Variants in ARHGEF17 observed in about 807,000 individuals in gnomAD.
ARHGEF17 encodes the protein 164 kDa Rho-specific guanine-nucleotide exchange factor.
ARHGEF17 carries 80 observed loss-of-function variants against 174.0 expected under a neutral mutation model. The ratio of observed to expected loss-of-function variants is 0.46; its 90% CI spans 0.38 to 0.55. The LOEUF is 0.55. Ranked by LOEUF, ARHGEF17 falls within the 20% of genes least tolerant of loss-of-function variation. The pLI is 0.00. For synonymous variants in ARHGEF17, 1,311 were observed against 1,189.1 expected (o/e 1.10, Z -2.11); for missense variants, 2,886 against 2,839.7 (o/e 1.02, Z -0.37).
In ARHGEF17 at chr11:73,309,126, G is replaced by T; in HGVS notation, c.488G>T (p.Arg163Leu). 1.3e-6 allele frequency: 2 copies of T among 1,571,050 alleles called. No homozygotes were observed. The highest frequency in any genetic ancestry group is 2.5e-5 in the East Asian group (1 of 40,734). Residue 163 changes from arginine (R) to leucine (L), a missense_variant, in exon 1 of 21, where the codon CGG becomes CTG. Arg to Leu is a moderately radical substitution (Grantham distance 102). Coordinates refer to ENST00000263674, the MANE Select transcript of ARHGEF17 (RefSeq NM_014786.4). The stretch of plus-strand genomic sequence containing the variant: ...GGTGCCGCGTGGGAGCCTCCGGCTC[G>T]GGAGTCGCGGCAGCCACCGACGCCA... ...PDGAAWEPPA[R>L]ESRQPPTPPP...
chr11:73,321,921 T>C (rs780014348), intron 1 of ARHGEF17, among the ~76,000 whole-genome samples: 1 of 152,186 alleles, frequency 6.6e-6, no homozygotes, highest in Non-Finnish European at 1.5e-5. Context: ...GTTTCCTGTT[T>C]ATTGGTTCCC....
At chr11:73,356,137 A>G in intron 5 of ARHGEF17, 38 bp from the exon 6 acceptor site, 2 of 1,609,200 alleles carry the variant, frequency 1.2e-6, no homozygotes, top group Non-Finnish European at 1.7e-6. Context: ...CCCCAGGGGT[A>G]GCTAAGCAGT....
chr11:73,337,913 C>T (rs571158958), intron 1 of ARHGEF17, among the ~76,000 whole-genome samples: 4 of 152,274 alleles, frequency 2.6e-5, no homozygotes, highest in East Asian at 3.9e-4. Flanking sequence ...GGTGCATACA[C>T]GCACCCACCT....
intron 1 of ARHGEF17, 30 bp from the exon 2 acceptor site, chr11:73,346,853 C>T: frequency 1.4e-6 from 2 of 1,433,642 alleles, no homozygotes; most frequent in South Asian, 1.5e-5. Context: ...GAAAAAGACC[C>T]CTGTTCACCC....
At chr11:73,367,329 A>C (rs1006415874) in intron 20 of ARHGEF17, among the ~76,000 whole-genome samples, 1 of 152,142 alleles carries the variant, frequency 6.6e-6, no homozygotes, top group Non-Finnish European at 1.5e-5. Flanking sequence ...AAAAAGAAAA[A>C]AATCAGAAGT....
At position 73,369,064 on chromosome 11, in the gene ARHGEF17, C is replaced by T. The variant is rs1865888234; in HGVS notation, c.*1284C>T. 6.6e-6 allele frequency: 1 copy of T among 152,482 alleles called. No individual in the cohort carries two copies. Among genetic ancestry groups the T allele is most frequent in the Admixed American group, 6.5e-5 (1 of 15,274 alleles). 9.4% of individuals were successfully genotyped at this position (152,482 alleles called of 1,614,324 possible). A position where few individuals can be genotyped will look rare whatever the true frequency, so the allele number is the denominator to read the frequency against. On this transcript the variant is annotated 3_prime_UTR_variant, in exon 21 of 21. Coordinates refer to ENST00000263674, the MANE Select transcript of ARHGEF17 (RefSeq NM_014786.4). Reference sequence around the variant, plus strand: ...CTTTGGATGATGAAGTTTAAAGAGTCAATAAATAGAAACACCAGATGACTG... The same window carrying T: ...CTTTGGATGATGAAGTTTAAAGAGTTAATAAATAGAAACACCAGATGACTG...
chr11:73,350,763 C>G (rs1865540273), intron 2 of ARHGEF17, among the ~76,000 whole-genome samples: 1 of 152,224 alleles, frequency 6.6e-6, no homozygotes, highest in South Asian at 2.1e-4. Flanking sequence ...CCTGACCACC[C>G]TGACGAGTCC....
Position 73,310,470 on chromosome 11 carries a change from A to T in ARHGEF17, c.1832A>T (p.Asp611Val). 6.2e-7 allele frequency: 1 copy of T among 1,613,972 alleles called. No individual in the cohort carries two copies. The highest frequency in any genetic ancestry group is 8.5e-7 in the Non-Finnish European group (1 of 1,180,028). ...CAGCGCATGGGTGCCCAACAAGATGATGGAAGCGATGCCCCCCCTGGAAGC... is the reference window on the plus strand; with the variant it reads ...CAGCGCATGGGTGCCCAACAAGATGTTGGAAGCGATGCCCCCCCTGGAAGC... Reference protein sequence around the residue: ...KIQRMGAQQDDGSDAPPGSPD... With the variant: ...KIQRMGAQQDVGSDAPPGSPD... The change falls in exon 1 of 21, where the codon GAT becomes GTT. Residue 611 changes from aspartate (D) to valine (V), a missense_variant. Around this residue, in one of 4 missense-constraint regions of ARHGEF17, gnomAD observed 1,728 missense variants for 1,461.2 expected, o/e 1.18. Coordinates refer to ENST00000263674, the MANE Select transcript of ARHGEF17 (RefSeq NM_014786.4).
chr11:73,352,787 G>T, intron 2 of ARHGEF17, 43 bp from the exon 3 acceptor site: 2 of 1,605,414 alleles, frequency 1.2e-6, no homozygotes, highest in Non-Finnish European at 1.7e-6. Flanking sequence ...TGGTGGGGGC[G>T]GCATCTCTGA....
chr11:73,333,966 CACTGAT>C (rs1260060046), intron 1 of ARHGEF17, among the ~76,000 whole-genome samples: 1 of 152,234 alleles, frequency 6.6e-6, no homozygotes, highest in Non-Finnish European at 1.5e-5. Context: ...ACATTAATTA[CACTGAT>C]ACTTGCTTTC....
At chr11:73,329,076 T>A (rs1865149319) in intron 1 of ARHGEF17, among the ~76,000 whole-genome samples, 1 of 151,628 alleles carries the variant, frequency 6.6e-6, no homozygotes. Flanking sequence ...GATGATATAT[T>A]CACATGGTTA....
rs1422857556 is a variant in ARHGEF17, at chr11:73,308,880, C to G, written c.242C>G (p.Ser81Trp). 3 of 1,359,862 alleles carry G rather than the reference C, an allele frequency of 2.2e-6. No individual in the cohort carries two copies. The highest frequency in any genetic ancestry group is 1.9e-6 in the Non-Finnish European group (2 of 1,062,786). 84.2% of individuals were successfully genotyped at this position (1,359,862 alleles called of 1,614,324 possible). The change falls in exon 1 of 21, where the codon TCG becomes TGG. Residue 81 changes from serine (S) to tryptophan (W), a missense_variant. Physicochemically the swap from Ser to Trp is radical, Grantham distance 177. Coordinates refer to ENST00000263674, the MANE Select transcript of ARHGEF17 (RefSeq NM_014786.4). ...CGCCCGCTCCGCAGCCTCTCGCCGT[C>G]GGTTCGCCAGCTCTCCCGGCGCTTC... ...QPRPLRSLSP[S>W]VRQLSRRFDA... is the part of the protein sequence containing the mutation.
At position 73,356,370 on chromosome 11, in the gene ARHGEF17, A is replaced by G. The variant is rs778870200; in HGVS notation, c.3840+19A>G. 1.6e-6 allele frequency: 2 copies of G among 1,230,460 alleles called. No homozygotes were observed. Among genetic ancestry groups the G allele is most frequent in the East Asian group, 4.6e-5 (1 of 21,836 alleles). 76.2% of individuals were successfully genotyped at this position (1,230,460 alleles called of 1,614,324 possible). A position where few individuals can be genotyped will look rare whatever the true frequency, so the allele number is the denominator to read the frequency against. ...GGAGGATGTGCGTGCGCCCTGCCCCACCCCACCCTACCCCACCCCACCCAC... is the reference window on the plus strand; with the variant it reads ...GGAGGATGTGCGTGCGCCCTGCCCCGCCCCACCCTACCCCACCCCACCCAC... On this transcript the variant is annotated intron_variant, in intron 6 of 20. Coordinates refer to ENST00000263674, the MANE Select transcript of ARHGEF17 (RefSeq NM_014786.4).
rs183577225 is a variant in ARHGEF17 at position 73,366,158 on chromosome 11, G to C, written c.5995+211G>C. On this transcript the variant is annotated intron_variant, in intron 20 of 20. Coordinates refer to ENST00000263674, the MANE Select transcript of ARHGEF17 (RefSeq NM_014786.4). ...GTGTGTGTGCGCACCTGCATGTGTT[G>C]TGTGTATATAAAGTTCTATCCAGAG... Among the ~76,000 whole-genome samples the C allele has an allele frequency of 7.9e-5, 12 of 152,200 alleles. No individual in the cohort carries two copies. The East Asian group carries it at 2.3e-3, about 29-fold the overall frequency.
At chr11:73,336,504 G>A (rs1248893732) in intron 1 of ARHGEF17, among the ~76,000 whole-genome samples, 1 of 152,184 alleles carries the variant, frequency 6.6e-6, no homozygotes, top group East Asian at 1.9e-4. Flanking sequence ...CCCAGCATAA[G>A]GAATGAGGGC....
chr11:73,339,850 T>G (rs551172649), intron 1 of ARHGEF17, among the ~76,000 whole-genome samples: 2 of 152,104 alleles, frequency 1.3e-5, no homozygotes. Context: ...TGTGGCTCTT[T>G]CATGGGAGAA....
At chr11:73,330,707 C>T (rs1865190701) in intron 1 of ARHGEF17, among the ~76,000 whole-genome samples, 1 of 152,252 alleles carries the variant, frequency 6.6e-6, no homozygotes, top group Admixed American at 6.5e-5. Context: ...CCCATCCCCT[C>T]TCTGGGCCTA....
intron 1 of ARHGEF17, 27 bp from the exon 2 acceptor site, chr11:73,346,856 G>A (rs370602470): frequency 2.1e-6 from 3 of 1,442,308 alleles, no homozygotes; most frequent in African/African-American, 1.5e-5. Flanking sequence ...AAAGACCCCT[G>A]TTCACCCTCT....
Position 73,310,648 on chromosome 11 carries a change from T to C in ARHGEF17, c.2010T>C (p.Pro670=). The change falls in exon 1 of 21, where the codon CCT becomes CCC. Residue 670 remains proline (P), a synonymous_variant. Transcript: ENST00000263674. Reference sequence around the variant, plus strand: ...TGGGTACCACAGGGATGTGGCGACCTCTTTCCTCATCCTCGGCCCAGACGA... The same window carrying C: ...TGGGTACCACAGGGATGTGGCGACCCCTTTCCTCATCCTCGGCCCAGACGA... The part of the protein sequence containing the change: ...CGLGTTGMWR[P]LSSSSAQTNH... 6.2e-7 allele frequency: 1 copy of C among 1,614,062 alleles called. No homozygotes were observed. The highest frequency in any genetic ancestry group is 8.5e-7 in the Non-Finnish European group (1 of 1,180,012).
Sources: gnomAD v4.1 joint callset for allele counts (sites outside exome capture counted in the v4.1 genomes callset) on GRCh38, gnomAD v4.1.1 for gene constraint, gnomAD v4.1.1 regional missense constraint, MANE v1.5 for transcripts, NCBI Gene and HGNC (gene_info 2026-07-23, HGNC 2026-07-21) for gene names.